The following USP49 variants were observed in gnomAD, a reference collection of about 807,000 sequenced individuals.
The protein encoded by USP49 is ubiquitin specific peptidase 49.
USP49 carries 24 observed loss-of-function variants against 58.6 expected under a neutral mutation model. That is an observed-to-expected ratio of 0.41 (90% CI 0.30 to 0.58). The LOEUF (loss-of-function observed/expected upper bound fraction) is 0.58. Ranked by LOEUF, USP49 falls within the 20% of genes least tolerant of loss-of-function variation. The probability of loss-of-function intolerance (pLI) is 0.30; values close to 1 mark genes in which losing one functional copy is unlikely to be tolerated. For synonymous variants in USP49, 408 were observed against 365.1 expected (o/e 1.12, Z -1.34); for missense variants, 703 against 866.1 (o/e 0.81, Z 2.36).
intron 3 of USP49, among the ~76,000 whole-genome samples, chr6:41,840,934 G>A (rs955504545): frequency 1.3e-5 from 2 of 151,948 alleles, no homozygotes; most frequent in Admixed American, 6.6e-5. Flanking sequence ...GAGCCAAGGA[G>A]GTCGAGGTTG....
At chr6:41,834,144 G>A (rs1481995847) in intron 3 of USP49, among the ~76,000 whole-genome samples, 3 of 152,096 alleles carry the variant, frequency 2.0e-5, no homozygotes, top group African/African-American at 7.2e-5. Context: ...GCAGTATGGG[G>A]CATTCTTGGG....
At chr6:41,862,383 T>C (rs1330057075) in intron 3 of USP49, among the ~76,000 whole-genome samples, 1 of 152,248 alleles carries the variant, frequency 6.6e-6, no homozygotes. Context: ...AAATAATATA[T>C]ACATATATTT....
At chr6:41,852,216 T>C (rs1378122112) in intron 3 of USP49, among the ~76,000 whole-genome samples, 3 of 151,592 alleles carry the variant, frequency 2.0e-5, no homozygotes, top group East Asian at 2.0e-4. Flanking sequence ...TCCAAGCTAC[T>C]TGGGAGGCTG....
intron 3 of USP49, among the ~76,000 whole-genome samples, chr6:41,844,503 T>C (rs1173556461): frequency 6.6e-6 from 1 of 151,948 alleles, no homozygotes; most frequent in Non-Finnish European, 1.5e-5. Context: ...TTAGTAGAGA[T>C]GGGGTTTCAC....
intron 3 of USP49, among the ~76,000 whole-genome samples, chr6:41,827,402 G>A (rs1296325623): frequency 6.6e-6 from 1 of 152,166 alleles, no homozygotes; most frequent in Non-Finnish European, 1.5e-5. Flanking sequence ...GCTCACGCCT[G>A]TAATCCCAGG....
At chr6:41,848,651 G>A (rs1773966626) in intron 3 of USP49, among the ~76,000 whole-genome samples, 2 of 151,996 alleles carry the variant, frequency 1.3e-5, no homozygotes, top group Admixed American at 1.3e-4. Flanking sequence ...AAGGTCAGGA[G>A]ATTGACACCA....
rs1194459262 is a variant in USP49, at chr6:41,806,286, C to A, written c.698G>T (p.Arg233Leu). Residue 233 changes from arginine (R) to leucine (L), a missense_variant, in exon 4 of 8, where the codon CGC becomes CTC. Coordinates refer to ENST00000682992, the MANE Select transcript of USP49 (RefSeq NM_001286554.2). This position sits in a 1 kb window ranked among gnomAD's most constrained non-coding sequence, Gnocchi z 5.9. ...ASRPAALPTS[R>L]RVPAATLKLR... ...CTTGAGTGTGGCGGCGGGCACTCTGCGTGAGGTAGGGAGGGCGGCGGGGCG... is the reference window on the plus strand; with the variant it reads ...CTTGAGTGTGGCGGCGGGCACTCTGAGTGAGGTAGGGAGGGCGGCGGGGCG... 6.2e-7 allele frequency: 1 copy of A among 1,600,548 alleles called. No homozygotes were observed. Among genetic ancestry groups the A allele is most frequent in the Non-Finnish European group, 8.5e-7 (1 of 1,178,066 alleles).
intron 2 of USP49, among the ~76,000 whole-genome samples, chr6:41,889,074 C>T (rs993469735): frequency 1.6e-4 from 25 of 151,598 alleles, no homozygotes; most frequent in Non-Finnish European, 2.6e-4. Context: ...GCTCTGTTGA[C>T]GAGGCTGGAG....
At chr6:41,804,096 A>G in intron 4 of USP49, 86 bp from the exon 5 acceptor site, 1 of 1,211,980 alleles carries the variant, frequency 8.3e-7, no homozygotes, top group Non-Finnish European at 1.2e-6. Context: ...GACACACTTT[A>G]TCAAAACTAA....
At chr6:41,811,875 G>T (rs1016461991) in intron 3 of USP49, among the ~76,000 whole-genome samples, 1 of 152,144 alleles carries the variant, frequency 6.6e-6, no homozygotes, top group African/African-American at 2.4e-5. Context: ...AGAAAGTAAT[G>T]AAGGAATGAA....
chr6:41,797,921 G>T, intron 7 of USP49: 1 of 718,410 alleles, frequency 1.4e-6, no homozygotes, highest in Non-Finnish European at 1.7e-6. Flanking sequence ...AGGCTAGAAT[G>T]CAGTGGTGAA....
intron 2 of USP49, among the ~76,000 whole-genome samples, chr6:41,872,523 C>T (rs967814260): frequency 1.3e-5 from 2 of 151,826 alleles, no homozygotes; most frequent in Non-Finnish European, 2.9e-5. Context: ...CCCAAGTTTG[C>T]ATTTTCGACA....
chr6:41,882,244 G>C (rs1408246702), intron 2 of USP49, among the ~76,000 whole-genome samples: 1 of 152,126 alleles, frequency 6.6e-6, no homozygotes, highest in Non-Finnish European at 1.5e-5. Flanking sequence ...GACAGGCCCA[G>C]CAGTGCTAAA....
At position 41,803,465 on chromosome 6, in the gene USP49, A is replaced by C. The variant is rs1773055391; in HGVS notation, c.1561+341T>G. ...ATTACAGGCATCTGCCACTATGCCC[A>C]GCTAATTTTTGTATTTTTAGTAGAG... On this transcript the variant is annotated intron_variant, in intron 5 of 7. Coordinates refer to ENST00000682992, the MANE Select transcript of USP49 (RefSeq NM_001286554.2). This position sits in a 1 kb window ranked among gnomAD's most constrained non-coding sequence, Gnocchi z 4.1. Among the ~76,000 whole-genome samples, 1 of 152,110 alleles carries C rather than the reference A, an allele frequency of 6.6e-6. No individual in the cohort carries two copies. Among genetic ancestry groups the C allele is most frequent in the East Asian group, 1.9e-4 (1 of 5,178 alleles).
chr6:41,845,197 A>AG (rs1773901486), intron 3 of USP49, among the ~76,000 whole-genome samples: 1 of 151,732 alleles, frequency 6.6e-6, no homozygotes, highest in Admixed American at 6.6e-5. Context: ...CACCGCGCAC[A>AG]GGCTTTCTGT....
chr6:41,882,210 G>C (rs541174070), intron 2 of USP49, among the ~76,000 whole-genome samples: 1 of 152,138 alleles, frequency 6.6e-6, no homozygotes, highest in Admixed American at 6.5e-5. Flanking sequence ...CACAATGACA[G>C]GGCAACACTA....
At chr6:41,864,149 T>G (rs1162354728) in intron 3 of USP49, among the ~76,000 whole-genome samples, 1 of 152,186 alleles carries the variant, frequency 6.6e-6, no homozygotes, top group Non-Finnish European at 1.5e-5. Context: ...TTGCAGGCAC[T>G]TGATAACATA....
chr6:41,822,256 G>T (rs1298835583), intron 3 of USP49, among the ~76,000 whole-genome samples: 1 of 152,188 alleles, frequency 6.6e-6, no homozygotes, highest in East Asian at 1.9e-4. Flanking sequence ...CATGGCTGAA[G>T]AGGGCTTTCC....
At chr6:41,835,938 C>T (rs919676549) in intron 3 of USP49, among the ~76,000 whole-genome samples, 19 of 151,946 alleles carry the variant, frequency 1.3e-4, no homozygotes, top group Non-Finnish European at 2.6e-4. Flanking sequence ...ATTAGCTGGG[C>T]ATGGTAATGT....
Sources: gnomAD v4.1 joint callset for allele counts (sites outside exome capture counted in the v4.1 genomes callset) on GRCh38, gnomAD v4.1.1 for gene constraint, Gnocchi (gnomAD v3.1) non-coding constraint, MANE v1.5 for transcripts, NCBI Gene and HGNC (gene_info 2026-07-23, HGNC 2026-07-21) for gene names.